Variants in GPC6 observed in about 807,000 individuals in gnomAD.
GPC6 encodes the protein glypican 6.
In GPC6, 14 loss-of-function variants were observed where a neutral mutation model predicts 55.2. The observed-to-expected ratio is 0.25, with a 90% CI of 0.17 to 0.40. GPC6 has a LOEUF of 0.40. Ranked by LOEUF, GPC6 falls within the 10% of genes least tolerant of loss-of-function variation. GPC6 has a pLI of 1.00. For missense variants in GPC6, 641 were observed against 708.5 expected, an observed-to-expected ratio of 0.90 and a Z score of 1.08; for synonymous variants, 278 against 259.6, an observed-to-expected ratio of 1.07 and a Z score of -0.68.
intron 3 of GPC6, among the ~76,000 whole-genome samples, chr13:93,993,694 C>T (rs1488561428): frequency 2.0e-5 from 3 of 152,158 alleles, no homozygotes; most frequent in Non-Finnish European, 2.9e-5. Context: ...TCATTTGCTT[C>T]TAAATCACTA....
chr13:93,988,399 C>T (rs74585882), intron 3 of GPC6, among the ~76,000 whole-genome samples: 19 of 152,150 alleles, frequency 1.2e-4, no homozygotes, highest in Middle Eastern at 3.4e-3. Flanking sequence ...GTGTACCTTT[C>T]GGATAGGACT....
chr13:93,499,482 A>G (rs1880443161), intron 1 of GPC6, among the ~76,000 whole-genome samples: 1 of 152,148 alleles, frequency 6.6e-6, no homozygotes, highest in African/African-American at 2.4e-5. Context: ...TGCCATCCTC[A>G]TCTCTAAGCG....
At chr13:93,231,366 T>TATATAC in intron 1 of GPC6, among the ~76,000 whole-genome samples, 1 of 17,186 alleles carries the variant, frequency 5.8e-5, no homozygotes, top group East Asian at 2.0e-3. Context: ...TATACGTATA[T>TATATAC]ATATATATAT....
At chr13:94,323,075 T>A (rs1450935757) in intron 6 of GPC6, among the ~76,000 whole-genome samples, 1 of 152,132 alleles carries the variant, frequency 6.6e-6, no homozygotes, top group Non-Finnish European at 1.5e-5. Context: ...GTGGTCCAAA[T>A]GAGGATGACG....
chr13:93,803,644 G>T (rs886974273), intron 2 of GPC6, among the ~76,000 whole-genome samples: 1 of 152,066 alleles, frequency 6.6e-6, no homozygotes, highest in African/African-American at 2.4e-5. Context: ...AATGCACATA[G>T]CAACATTATT....
chr13:94,387,857 C>A (rs569481952), intron 7 of GPC6, among the ~76,000 whole-genome samples: 12 of 152,070 alleles, frequency 7.9e-5, no homozygotes, highest in African/African-American at 2.9e-4. Flanking sequence ...GTCTTGGACA[C>A]CATGGTCCCA....
chr13:93,870,166 C>T (rs1399259273), intron 3 of GPC6, among the ~76,000 whole-genome samples: 2 of 151,882 alleles, frequency 1.3e-5, no homozygotes, highest in Non-Finnish European at 1.5e-5. Flanking sequence ...TTCACATAGC[C>T]TCAAGTTGTC....
intron 4 of GPC6, among the ~76,000 whole-genome samples, chr13:94,162,735 GT>G (rs1460760843): frequency 6.6e-6 from 1 of 151,792 alleles, no homozygotes; most frequent in Admixed American, 6.6e-5. Flanking sequence ...CTGTTATCTA[GT>G]TTTTTTTCTT....
At chr13:94,055,804 CA>C (rs1369241244) in intron 4 of GPC6, among the ~76,000 whole-genome samples, 1 of 151,980 alleles carries the variant, frequency 6.6e-6, no homozygotes, top group Non-Finnish European at 1.5e-5. Context: ...CTAAAAAAAA[CA>C]AAAAGTAAAA....
chr13:93,737,385 T>C (rs1412989250), intron 2 of GPC6, among the ~76,000 whole-genome samples: 1 of 152,182 alleles, frequency 6.6e-6, no homozygotes, highest in East Asian at 1.9e-4. Context: ...TCTTCTGAAG[T>C]ACATTAAAGA....
intron 3 of GPC6, among the ~76,000 whole-genome samples, chr13:93,905,575 G>A (rs1213358737): frequency 6.6e-6 from 1 of 152,188 alleles, no homozygotes; most frequent in Non-Finnish European, 1.5e-5. Flanking sequence ...ATCTGATTCT[G>A]CATAAAGTAT....
Position 93,286,695 on chromosome 13 carries a change from A to G in GPC6, c.160+59079A>G, listed in dbSNP as rs190904666. ...TAGGGAAGGGGTGGCAGAGGTCACT[A>G]AGTTTTATATCCCAAGGAAACAGCC... On this transcript the variant is annotated intron_variant, in intron 1 of 8. Transcript: ENST00000377047. 1.1e-3 allele frequency among the ~76,000 whole-genome samples: 168 copies of G among 152,256 alleles called. 1 individual carries two copies. Among genetic ancestry groups the G allele is most frequent in the Non-Finnish European group, 2.1e-4 (14 of 68,004 alleles).
rs755088427 is a variant in GPC6, at chr13:93,545,368, A to C, written c.266A>C (p.Glu89Ala). 1 of 1,613,818 alleles carries C rather than the reference A, an allele frequency of 6.2e-7. No homozygotes were observed. Among genetic ancestry groups the C allele is most frequent in the African/African-American group, 1.3e-5 (1 of 74,922 alleles). The change falls in exon 2 of 9, where the codon GAG becomes GCG. Residue 89 changes from glutamate to alanine, a missense_variant. By Grantham distance (107) the Glu-to-Ala change is moderately radical. Coordinates refer to ENST00000377047, the MANE Select transcript of GPC6 (RefSeq NM_005708.5). ...SKLEFENLVE[E>A]TSHFVRTTFV... ...CTCGAATTTGAAAACCTTGTGGAAGAGACAAGCCATTTTGTGCGCACCACT... is the reference window on the plus strand; with the variant it reads ...CTCGAATTTGAAAACCTTGTGGAAGCGACAAGCCATTTTGTGCGCACCACT...
At chr13:94,224,085 G>A (rs369985745) in intron 4 of GPC6, among the ~76,000 whole-genome samples, 2 of 152,084 alleles carry the variant, frequency 1.3e-5, no homozygotes, top group South Asian at 2.1e-4. Context: ...GGGCTGAAGT[G>A]CTGTCTCGTG....
At chr13:93,714,158 G>C (rs1239900468) in intron 2 of GPC6, among the ~76,000 whole-genome samples, 1 of 151,846 alleles carries the variant, frequency 6.6e-6, no homozygotes, top group African/African-American at 2.4e-5. Context: ...ACAACCAACA[G>C]AATGGGAGAA....
intron 3 of GPC6, among the ~76,000 whole-genome samples, chr13:93,995,858 T>A (rs889742639): frequency 6.6e-6 from 1 of 152,100 alleles, no homozygotes; most frequent in Admixed American, 6.6e-5. Flanking sequence ...ACAGAACAAA[T>A]CTTAAGTAAA....
chr13:94,371,677 A>G (rs1879548773), intron 6 of GPC6, among the ~76,000 whole-genome samples: 1 of 149,736 alleles, frequency 6.7e-6, no homozygotes, highest in South Asian at 2.1e-4. Flanking sequence ...CCCTGACAAC[A>G]AAGTCTTGTC....
At chr13:93,295,254 G>A (rs1400302005) in intron 1 of GPC6, among the ~76,000 whole-genome samples, 6 of 131,832 alleles carry the variant, frequency 4.6e-5, no homozygotes. Flanking sequence ...TCGTGCCATT[G>A]CACAGAAGCT....
intron 6 of GPC6, among the ~76,000 whole-genome samples, chr13:94,326,755 G>A (rs1449769210): frequency 1.3e-5 from 2 of 152,246 alleles, no homozygotes; most frequent in Non-Finnish European, 2.9e-5. Context: ...GGAAACTTTA[G>A]TGAGTCCTTT....
Sources: gnomAD v4.1 joint callset for allele counts (sites outside exome capture counted in the v4.1 genomes callset) on GRCh38, gnomAD v4.1.1 for gene constraint, MANE v1.5 for transcripts, NCBI Gene and HGNC (gene_info 2026-07-23, HGNC 2026-07-21) for gene names.